ARSB: variants seen among roughly 807,000 people sequenced by gnomAD.
The protein encoded by ARSB is arylsulfatase B, also known as N-acetylgalactosamine-4-sulfatase.
ARSB carries 41 observed loss-of-function variants against 50.9 expected under a neutral mutation model. The ratio of observed to expected loss-of-function variants is 0.81; its 90% CI spans 0.63 to 1.04. The LOEUF (loss-of-function observed/expected upper bound fraction) is 1.04, where lower values mean the gene tolerates loss of function less well. Ranked by LOEUF, ARSB falls within the 50% of genes least tolerant of loss-of-function variation. The pLI, the probability that ARSB is intolerant of heterozygous loss-of-function variation, is 0.00. For synonymous variants in ARSB, 269 were observed against 284.8 expected, an observed-to-expected ratio of 0.94 and a Z score of 0.56; for missense variants, 672 against 693.3, an observed-to-expected ratio of 0.97 and a Z score of 0.35.
chr5:78,819,847 C>T lies in ARSB; in HGVS notation c.1213+19509G>A, dbSNP rs1343368743. ...GCACTGGCAAATGGCACAGAAGGGC[C>T]AAGTCAGCTCATGCTGAAAAGGAGC... On this transcript the variant is annotated intron_variant, in intron 6 of 7. Transcript: ENST00000264914. Among the ~76,000 whole-genome samples the T allele has an allele frequency of 2.0e-5, 3 of 152,220 alleles. No homozygotes were observed. In the East Asian group the frequency reaches 5.8e-4, roughly 29 times the overall value.
intron 4 of ARSB, among the ~76,000 whole-genome samples, chr5:78,929,652 G>A (rs371311892): frequency 3.0e-4 from 45 of 152,100 alleles, no homozygotes; most frequent in African/African-American, 1.0e-3. Flanking sequence ...AATTTGCCCA[G>A]TGTGGTGGTG....
intron 5 of ARSB, among the ~76,000 whole-genome samples, chr5:78,854,153 G>A (rs1407806122): frequency 4.6e-5 from 7 of 152,230 alleles, no homozygotes; most frequent in African/African-American, 1.4e-4. Flanking sequence ...CTTCTGTGTC[G>A]CTCACGCTGG....
intron 3 of ARSB, among the ~76,000 whole-genome samples, chr5:78,957,361 A>G (rs962088923): frequency 1.3e-5 from 2 of 152,196 alleles, no homozygotes; most frequent in Non-Finnish European, 2.9e-5. Flanking sequence ...CTTGTAATGC[A>G]AAAAGGAGTA....
chr5:78,840,220 C>A (rs1745143249), intron 5 of ARSB, among the ~76,000 whole-genome samples: 1 of 152,018 alleles, frequency 6.6e-6, no homozygotes, highest in Admixed American at 6.6e-5. Flanking sequence ...TAGCTAAAAA[C>A]AATTTAAATC....
intron 6 of ARSB, among the ~76,000 whole-genome samples, chr5:78,786,433 A>G (rs1263956104): frequency 1.3e-5 from 2 of 152,140 alleles, no homozygotes; most frequent in Non-Finnish European, 2.9e-5. Flanking sequence ...CTTTGTTTAT[A>G]CTTTTTGGCG....
intron 1 of ARSB, among the ~76,000 whole-genome samples, chr5:78,977,858 G>A (rs1446577274): frequency 1.3e-5 from 2 of 152,140 alleles, no homozygotes; most frequent in East Asian, 3.8e-4. Flanking sequence ...GTTCATTAAG[G>A]TTGCAAAATG....
chr5:78,906,766 G>A (rs968015593), intron 4 of ARSB, among the ~76,000 whole-genome samples: 3 of 152,180 alleles, frequency 2.0e-5, no homozygotes, highest in Non-Finnish European at 4.4e-5. Flanking sequence ...CAATGAGAAA[G>A]ATATTTGTTG....
Position 78,779,943 on chromosome 5 carries a change from G to T in ARSB, c.*454C>A. On this transcript the variant is annotated 3_prime_UTR_variant, in exon 8 of 8. Transcript: ENST00000264914. Reference sequence around the variant, plus strand: ...GAGTGCCTGAACATGATCCTTCACCGACAGGGAGAAGCCTTGGCCAACAGA... The same window carrying T: ...GAGTGCCTGAACATGATCCTTCACCTACAGGGAGAAGCCTTGGCCAACAGA... 2 of 216,014 alleles carry T rather than the reference G, an allele frequency of 9.3e-6. No homozygotes were observed. Among genetic ancestry groups the T allele is most frequent in the Non-Finnish European group, 1.9e-5 (2 of 107,070 alleles). 13.4% of individuals were successfully genotyped at this position (216,014 alleles called of 1,614,324 possible).
intron 5 of ARSB, among the ~76,000 whole-genome samples, chr5:78,873,582 G>A (rs932366820): frequency 9.7e-5 from 13 of 134,524 alleles, no homozygotes; most frequent in African/African-American, 1.4e-4. Flanking sequence ...TGCAAGCTCC[G>A]CCTCCCGGGT....
chr5:78,805,638 A>G (rs576019085), intron 6 of ARSB, among the ~76,000 whole-genome samples: 7 of 152,342 alleles, frequency 4.6e-5, no homozygotes, highest in Non-Finnish European at 1.0e-4. Context: ...AAAAACAAGC[A>G]GGAAAGAGGA....
intron 5 of ARSB, among the ~76,000 whole-genome samples, chr5:78,860,226 T>C (rs1422744419): frequency 1.3e-5 from 2 of 152,160 alleles, no homozygotes; most frequent in African/African-American, 4.8e-5. Flanking sequence ...AGTGGGGTGT[T>C]AAAGTCTCCC....
intron 6 of ARSB, among the ~76,000 whole-genome samples, chr5:78,828,279 AC>A (rs560627368): frequency 2.6e-5 from 4 of 151,572 alleles, no homozygotes; most frequent in Admixed American, 2.0e-4. Context: ...TTCTTGCACC[AC>A]CCCCCCATCT....
At chr5:78,812,034 T>C (rs1274992913) in intron 6 of ARSB, among the ~76,000 whole-genome samples, 1 of 152,126 alleles carries the variant, frequency 6.6e-6, no homozygotes, top group Non-Finnish European at 1.5e-5. Context: ...ACTTGACTGT[T>C]CAAGCAATTA....
At chr5:78,913,665 G>A (rs117289433) in intron 4 of ARSB, among the ~76,000 whole-genome samples, 1 of 152,222 alleles carries the variant, frequency 6.6e-6, no homozygotes, top group East Asian at 1.9e-4. Flanking sequence ...TTTGTGTTTG[G>A]AGCTGAAATC....
Position 78,778,727 on chromosome 5 carries a change from G to T in ARSB, c.*1670C>A, listed in dbSNP as rs1748839364. The T allele has an allele frequency of 6.6e-6, 1 of 152,154 alleles. No homozygotes were observed. The highest frequency in any genetic ancestry group is 1.5e-5 in the Non-Finnish European group (1 of 68,028). The allele number at this position is 152,154 out of a possible 1,614,324, so 9.4% of individuals were successfully genotyped here. A position where few individuals can be genotyped will look rare whatever the true frequency, so the allele number is the denominator to read the frequency against. On this transcript the variant is annotated 3_prime_UTR_variant, in exon 8 of 8. Coordinates refer to ENST00000264914, the MANE Select transcript of ARSB (RefSeq NM_000046.5). ...TACTCATTTGTCCATTTATTCATTT[G>T]TTTTAAAAAATGAGGCCAGGCATGG...
intron 4 of ARSB, among the ~76,000 whole-genome samples, chr5:78,912,564 C>T (rs555946769): frequency 6.6e-6 from 1 of 152,314 alleles, no homozygotes; most frequent in East Asian, 1.9e-4. Context: ...CAGGGAAAAG[C>T]AAATAAACAT....
In ARSB at chr5:78,858,192, A is replaced by G. The variant is rs139585533; in HGVS notation, c.1143-18766T>C. ...TATGGTGTTTCCATTCATTTGGTTT[A>G]TTTTTAAGGCTCCATAAACAAATAT... On this transcript the variant is annotated intron_variant, in intron 5 of 7. Transcript: ENST00000264914. 3.5e-3 allele frequency among the ~76,000 whole-genome samples: 536 copies of G among 152,282 alleles called. 1 individual carries two copies. Among genetic ancestry groups the G allele is most frequent in the Middle Eastern group, 6.8e-3 (2 of 294 alleles).
intron 4 of ARSB, among the ~76,000 whole-genome samples, chr5:78,903,011 A>T (rs1485450384): frequency 1.3e-5 from 2 of 152,260 alleles, no homozygotes; most frequent in Non-Finnish European, 2.9e-5. Context: ...TAAAACTTTT[A>T]TAGAAAAACA....
intron 1 of ARSB, among the ~76,000 whole-genome samples, chr5:78,969,652 T>C (rs1449674549): frequency 6.6e-6 from 1 of 152,212 alleles, no homozygotes; most frequent in African/African-American, 2.4e-5. Flanking sequence ...GTTTCACTCT[T>C]GTTGCCCAGG....
Sources: allele counts gnomAD v4.1 joint callset (sites outside exome capture counted in the v4.1 genomes callset), GRCh38; gene constraint gnomAD v4.1.1; transcripts MANE v1.5; gene names NCBI Gene and HGNC (gene_info 2026-07-23, HGNC 2026-07-21).